The following OR56A3 variants were observed in gnomAD, a reference collection of about 807,000 sequenced individuals.
The protein encoded by OR56A3 is olfactory receptor 56A3.
A neutral mutation model predicts 17.5 loss-of-function variants in OR56A3; 23 were observed. That is an observed-to-expected ratio of 1.32 (90% CI 0.95 to 1.87). The LOEUF is 1.87. Among genes scored for constraint, OR56A3 ranks in the 40% most tolerant of loss-of-function variants. OR56A3 has a pLI of 0.00. For synonymous variants in OR56A3, 175 were observed against 150.6 expected, an observed-to-expected ratio of 1.16 and a Z score of -1.19; for missense variants, 366 against 380.1, an observed-to-expected ratio of 0.96 and a Z score of 0.31.
At chr11:6,017,633 G>A in the OR56A3 span, among the ~76,000 whole-genome samples, 1 of 152,080 alleles carries the variant, frequency 6.6e-6, no homozygotes, top group Non-Finnish European at 1.5e-5. Flanking sequence ...TTTGGGTGGG[G>A]ACACAAATCC....
Position 5,948,501 on chromosome 11 carries a change from T to G in OR56A3, c.*207T>G. 1.9e-6 allele frequency: 1 copy of G among 533,330 alleles called. No individual in the cohort carries two copies. The highest frequency in any genetic ancestry group is 3.3e-5 in the Admixed American group (1 of 30,354). 33.0% of individuals were successfully genotyped at this position (533,330 alleles called of 1,614,324 possible). A position where few individuals can be genotyped will look rare whatever the true frequency, so the allele number is the denominator to read the frequency against. On this transcript the variant is annotated 3_prime_UTR_variant, in exon 3 of 3. Coordinates refer to ENST00000641160, the MANE Select transcript of OR56A3 (RefSeq NM_001003443.3). Reference sequence around the variant, plus strand: ...GAAATATTCTTGGCCCTCTCTCGTTTTATTCCATGCTTATAATCATATTTT... The same window carrying G: ...GAAATATTCTTGGCCCTCTCTCGTTGTATTCCATGCTTATAATCATATTTT...
the OR56A3 span, among the ~76,000 whole-genome samples, chr11:6,009,565 C>A: frequency 1.3e-5 from 2 of 152,146 alleles, no homozygotes; most frequent in South Asian, 4.1e-4. Flanking sequence ...CATGCACACA[C>A]ACACACATAA....
chr11:5,954,217 A>G (rs1343097936), downstream of OR56A3, among the ~76,000 whole-genome samples: 1 of 152,192 alleles, frequency 6.6e-6, no homozygotes, highest in Non-Finnish European at 1.5e-5. Context: ...TATGCCTTGC[A>G]TTTTGGTCTT....
chr11:6,003,153 C>T, the OR56A3 span: 1 of 1,539,598 alleles, frequency 6.5e-7, no homozygotes, highest in Non-Finnish European at 8.8e-7. Context: ...CATCATCCTC[C>T]CTTATATTTA....
the OR56A3 span, among the ~76,000 whole-genome samples, chr11:5,958,058 C>G: frequency 6.6e-6 from 1 of 152,136 alleles, no homozygotes; most frequent in Non-Finnish European, 1.5e-5. Context: ...GTGATAATGA[C>G]ATGACAAATT....
At chr11:5,970,025 A>C in the OR56A3 span, among the ~76,000 whole-genome samples, 1 of 152,256 alleles carries the variant, frequency 6.6e-6, no homozygotes, top group African/African-American at 2.4e-5. Context: ...GAAACAAAAA[A>C]TAGCCTTTGA....
intron 1 of OR56A3, among the ~76,000 whole-genome samples, 189 bp from the exon 2 acceptor site, chr11:5,944,617 T>G (rs1847857495): frequency 6.6e-6 from 1 of 152,226 alleles, no homozygotes; most frequent in African/African-American, 2.4e-5. Flanking sequence ...TCTCCACAGC[T>G]GAACCCTGAG....
chr11:6,003,282 G>A, the OR56A3 span: 1 of 552,034 alleles, frequency 1.8e-6, no homozygotes, highest in Non-Finnish European at 3.0e-6. Context: ...TAATAAAATA[G>A]AGATAAGGGA....
At chr11:5,958,337 T>G in the OR56A3 span, among the ~76,000 whole-genome samples, 12 of 152,096 alleles carry the variant, frequency 7.9e-5, no homozygotes, top group Non-Finnish European at 1.8e-4. Flanking sequence ...TAGGAAAGGA[T>G]TTTATAAAAG....
the OR56A3 span, among the ~76,000 whole-genome samples, chr11:6,009,909 T>C: frequency 6.6e-6 from 1 of 152,158 alleles, no homozygotes; most frequent in Non-Finnish European, 1.5e-5. Context: ...AACCTCTATT[T>C]CCCATTCCAT....
At chr11:5,954,890 A>G (rs1305830432), downstream of OR56A3, among the ~76,000 whole-genome samples, 1 of 152,226 alleles carries the variant, frequency 6.6e-6, no homozygotes, top group Non-Finnish European at 1.5e-5. Context: ...TCTTGGGGAC[A>G]TTGAAGAAGT....
chr11:6,016,510 C>A, the OR56A3 span, among the ~76,000 whole-genome samples: 1,096 of 152,118 alleles, frequency 7.2e-3, 11 homozygotes, highest in African/African-American at 0.025. Flanking sequence ...CACAAAAATT[C>A]TTTCCTTACA....
Position 5,947,458 on chromosome 11 carries a change from C to G in OR56A3, c.112C>G (p.Leu38Val), listed in dbSNP as rs1057394692. ...QHWLSLPLSL[L>V]FLLAVGANTT... ...CTGGCTGTCCCTGCCCCTCAGCCTCCTTTTCCTCTTGGCCGTAGGGGCCAA... is the reference window on the plus strand; with the variant it reads ...CTGGCTGTCCCTGCCCCTCAGCCTCGTTTTCCTCTTGGCCGTAGGGGCCAA... The change falls in exon 3 of 3, where the codon CTT (leucine) becomes GTT (valine). Residue 38 changes from leucine (L) to valine (V), a missense_variant. Physicochemically the swap from Leu to Val is conservative, Grantham distance 32. Transcript: ENST00000641160. 6.2e-7 allele frequency: 1 copy of G among 1,614,238 alleles called. No individual in the cohort carries two copies. Among genetic ancestry groups the G allele is most frequent in the Non-Finnish European group, 8.5e-7 (1 of 1,180,034 alleles).
chr11:5,966,421 A>T, the OR56A3 span, among the ~76,000 whole-genome samples: 1 of 152,048 alleles, frequency 6.6e-6, no homozygotes, highest in Non-Finnish European at 1.5e-5. Flanking sequence ...ACTGACTTAT[A>T]AGTCTTCCAA....
At chr11:5,994,919 T>A in the OR56A3 span, 2 of 753,084 alleles carry the variant, frequency 2.7e-6, no homozygotes, top group Non-Finnish European at 4.8e-6. Flanking sequence ...CATGGTCTCC[T>A]TCTCATTCTG....
At chr11:5,978,454 A>G in the OR56A3 span, among the ~76,000 whole-genome samples, 126 of 151,384 alleles carry the variant, frequency 8.3e-4, 2 homozygotes, top group South Asian at 0.025. Flanking sequence ...TAGGTTTTTT[A>G]TTTTTTTATT....
At chr11:6,016,328 G>A in the OR56A3 span, among the ~76,000 whole-genome samples, 1 of 152,144 alleles carries the variant, frequency 6.6e-6, no homozygotes, top group South Asian at 2.1e-4. Flanking sequence ...CCAATTAAAT[G>A]TCTTTTTTAA....
chr11:6,009,645 G>A, the OR56A3 span, among the ~76,000 whole-genome samples: 103,233 of 151,934 alleles, frequency 0.68, 35,373 homozygotes, highest in East Asian at 0.93. Flanking sequence ...TCAAATTGCC[G>A]CTCCTCTATA....
At chr11:5,981,518 T>G in the OR56A3 span, among the ~76,000 whole-genome samples, 1 of 152,200 alleles carries the variant, frequency 6.6e-6, no homozygotes, top group Non-Finnish European at 1.5e-5. Context: ...TCAAATCAGT[T>G]TGGTTATTTC....
Sources: allele counts gnomAD v4.1 joint callset (sites outside exome capture counted in the v4.1 genomes callset), GRCh38; gene constraint gnomAD v4.1.1; transcripts MANE v1.5; gene names NCBI Gene and HGNC (gene_info 2026-07-23, HGNC 2026-07-21).